The following IGF2BP3 variants were observed in gnomAD, a reference collection of about 807,000 sequenced individuals.
The protein encoded by IGF2BP3 is insulin like growth factor 2 mRNA binding protein 3.
In IGF2BP3, 9 loss-of-function variants were observed where a neutral mutation model predicts 73.8. That is an observed-to-expected ratio of 0.12 (90% CI 0.07 to 0.21). IGF2BP3 has a LOEUF of 0.21. IGF2BP3 is among the 10% of genes least tolerant of loss of function. IGF2BP3 has a pLI of 1.00. For missense variants in IGF2BP3, 542 were observed against 714.0 expected, an observed-to-expected ratio of 0.76 and a Z score of 2.75; for synonymous variants, 258 against 256.7, an observed-to-expected ratio of 1.01 and a Z score of -0.05.
At chr7:23,320,485 G>A (rs1165908364) in intron 10 of IGF2BP3, among the ~76,000 whole-genome samples, 5 of 152,040 alleles carry the variant, frequency 3.3e-5, no homozygotes, top group African/African-American at 1.2e-4. Context: ...CTAAAGTACA[G>A]AAGCAGTGCA....
At chr7:23,326,794 AT>A (rs1436802013) in intron 10 of IGF2BP3, among the ~76,000 whole-genome samples, 1 of 143,996 alleles carries the variant, frequency 6.9e-6, no homozygotes, top group East Asian at 2.0e-4. Context: ...GGAAATCATC[AT>A]TCTCAGTAAA....
intron 12 of IGF2BP3, 138 bp downstream of exon 12, chr7:23,317,499 AGT>A: frequency 3.1e-6 from 2 of 651,852 alleles, no homozygotes; most frequent in Non-Finnish European, 5.5e-6. Context: ...TATAATTTTG[AGT>A]GTGATTCTAC....
Position 23,342,169 on chromosome 7 carries a change from A to G in IGF2BP3, c.1098T>C (p.Pro366=). 1 of 1,613,888 alleles carries G rather than the reference A, an allele frequency of 6.2e-7. No homozygotes were observed. The highest frequency in any genetic ancestry group is 8.5e-7 in the Non-Finnish European group (1 of 1,179,826). ...GACCCAAGGCGTTCAGATTTAATCCAGGAATTAAATGTGCTTGAAGCTGCA... is the reference window on the plus strand; with the variant it reads ...GACCCAAGGCGTTCAGATTTAATCCGGGAATTAAATGTGCTTGAAGCTGCA... The part of the protein sequence containing the change: ...ASMNLQAHLI[P]GLNLNALGLF... Residue 366 remains proline, a synonymous_variant, in exon 10 of 15, where the codon CCT becomes CCC. Coordinates refer to ENST00000258729, the MANE Select transcript of IGF2BP3 (RefSeq NM_006547.3).
rs370939303 is a variant in IGF2BP3 at position 23,405,352 on chromosome 7, A to C, written c.285+13424T>G. On this transcript the variant is annotated intron_variant, in intron 3 of 14. Coordinates refer to ENST00000258729, the MANE Select transcript of IGF2BP3 (RefSeq NM_006547.3). ...TATCAAACAATAATTTGAAGACTCAAAGTAAAGATAACAGACAGACTAGGA... is the reference window on the plus strand; with the variant it reads ...TATCAAACAATAATTTGAAGACTCACAGTAAAGATAACAGACAGACTAGGA... Among the ~76,000 whole-genome samples the C allele has an allele frequency of 1.5e-4, 23 of 152,358 alleles. No homozygotes were observed. In the South Asian group the frequency reaches 2.7e-3, roughly 18 times the overall value.
chr7:23,368,327 A>AAAAGAAAGAAAAAAAG (rs1562704880), intron 3 of IGF2BP3, among the ~76,000 whole-genome samples: 7 of 124,548 alleles, frequency 5.6e-5, no homozygotes, highest in African/African-American at 1.6e-4. Context: ...AGAGAGAAAG[A>AAAAGAAAGAAAAAAAG]AAAGAAAGAA....
chr7:23,319,372 A>G (rs1442610612), intron 10 of IGF2BP3, 118 bp from the exon 11 acceptor site: 5 of 665,312 alleles, frequency 7.5e-6, no homozygotes, highest in Non-Finnish European at 1.3e-5. Context: ...AAGTTTAAGG[A>G]AAAGCTACCA....
chr7:23,341,011 G>T (rs1784698072), intron 10 of IGF2BP3, among the ~76,000 whole-genome samples: 1 of 151,838 alleles, frequency 6.6e-6, no homozygotes, highest in Non-Finnish European at 1.5e-5. Flanking sequence ...CACCACTCCG[G>T]CTAATTTTTT....
chr7:23,364,582 G>A (rs1381391401), intron 3 of IGF2BP3, among the ~76,000 whole-genome samples: 1 of 147,794 alleles, frequency 6.8e-6, no homozygotes, highest in African/African-American at 2.5e-5. Context: ...GCGGGAGGTT[G>A]GGGGGTGGGG....
At chr7:23,321,843 C>A (rs1337285654) in intron 10 of IGF2BP3, among the ~76,000 whole-genome samples, 1 of 152,200 alleles carries the variant, frequency 6.6e-6, no homozygotes, top group African/African-American at 2.4e-5. Context: ...GGTACTCCAA[C>A]AGACCTGCAG....
At chr7:23,433,134 G>C (rs995756329) in intron 2 of IGF2BP3, among the ~76,000 whole-genome samples, 1 of 152,114 alleles carries the variant, frequency 6.6e-6, no homozygotes, top group Non-Finnish European at 1.5e-5. Context: ...AAGGAATAAA[G>C]AACTTGGATA....
intron 3 of IGF2BP3, among the ~76,000 whole-genome samples, chr7:23,373,601 G>A (rs772387757): frequency 6.6e-6 from 1 of 152,130 alleles, no homozygotes; most frequent in African/African-American, 2.4e-5. Flanking sequence ...ATACATTGCT[G>A]GATAAAATGG....
chr7:23,354,351 GA>G (rs1785040281), intron 5 of IGF2BP3, among the ~76,000 whole-genome samples: 1 of 152,162 alleles, frequency 6.6e-6, no homozygotes, highest in Non-Finnish European at 1.5e-5. Flanking sequence ...AAAAAATCAG[GA>G]AACTTGAACC....
At chr7:23,326,217 C>G (rs1784290976) in intron 10 of IGF2BP3, among the ~76,000 whole-genome samples, 1 of 152,072 alleles carries the variant, frequency 6.6e-6, no homozygotes, top group Non-Finnish European at 1.5e-5. Flanking sequence ...AACAAATTTA[C>G]AGGAAAAAAA....
At chr7:23,315,625 C>T (rs898850443) in intron 12 of IGF2BP3, among the ~76,000 whole-genome samples, 2 of 150,428 alleles carry the variant, frequency 1.3e-5, no homozygotes, top group Non-Finnish European at 3.0e-5. Flanking sequence ...GCACTACCGA[C>T]AAAACAAAAT....
chr7:23,432,535 C>CA lies in IGF2BP3; in HGVS notation c.237-13712dup, dbSNP rs938857335. ...GTCAAACAGGAAAAAAACAAACAAA[C>CA]AAAAAAAACAGGGCACAAACTAATC... On this transcript the variant is annotated intron_variant, in intron 2 of 14. Transcript: ENST00000258729. Among the ~76,000 whole-genome samples the CA allele has an allele frequency of 4.0e-4, 61 of 151,040 alleles. 1 individual carries two copies. The highest frequency in any genetic ancestry group is 1.4e-3 in the African/African-American group (57 of 41,242).
Position 23,311,510 on chromosome 7 carries a change from AAAG to A in IGF2BP3, c.*849_*851del, listed in dbSNP as rs1211510904. 6.6e-6 allele frequency: 1 copy of A among 152,436 alleles called. No homozygotes were observed. Among genetic ancestry groups the A allele is most frequent in the African/African-American group, 2.4e-5 (1 of 41,444 alleles). 9.4% of individuals were successfully genotyped at this position (152,436 alleles called of 1,614,324 possible). ...TCAAAAACTTTCCCAACTATAAATGAAAGAATAAATGGTAGTGCTGCTCTCCAG... is the reference window on the plus strand; with the variant it reads ...TCAAAAACTTTCCCAACTATAAATGAAATAAATGGTAGTGCTGCTCTCCAG... On this transcript the variant is annotated 3_prime_UTR_variant, in exon 15 of 15. Transcript: ENST00000258729.
intron 10 of IGF2BP3, among the ~76,000 whole-genome samples, chr7:23,327,072 AAATT>A (rs1298008157): frequency 0.017 from 2,511 of 148,596 alleles, 63 homozygotes; most frequent in African/African-American, 0.059. Flanking sequence ...TATAATAAAT[AAATT>A]AATTAATTAA....
chr7:23,400,073 C>T (rs750801143), intron 3 of IGF2BP3, among the ~76,000 whole-genome samples: 7 of 152,132 alleles, frequency 4.6e-5, no homozygotes, highest in Admixed American at 2.0e-4. Flanking sequence ...AACATGTTCT[C>T]AGTACATCTA....
intron 3 of IGF2BP3, chr7:23,415,141 T>C (rs1315861813): frequency 4.7e-6 from 1 of 214,914 alleles, no homozygotes; most frequent in East Asian, 2.0e-4. Context: ...CCAGGTCCTG[T>C]CTGTCAGTCA....
Sources: gnomAD v4.1 joint callset for allele counts (sites outside exome capture counted in the v4.1 genomes callset) on GRCh38, gnomAD v4.1.1 for gene constraint, MANE v1.5 for transcripts, NCBI Gene and HGNC (gene_info 2026-07-23, HGNC 2026-07-21) for gene names.